YY1AP1: variants seen among roughly 807,000 people sequenced by gnomAD.
The protein encoded by YY1AP1 is YY1 associated protein 1.
In YY1AP1, 43 loss-of-function variants were observed where a neutral mutation model predicts 39.9. The observed-to-expected ratio is 1.08, with a 90% CI of 0.84 to 1.39. The LOEUF is 1.39. Among genes scored for constraint, YY1AP1 ranks in the 40% most tolerant of loss-of-function variants. The probability of loss-of-function intolerance (pLI) is 0.00; values close to 1 mark genes in which losing one functional copy is unlikely to be tolerated. For synonymous variants in YY1AP1, 292 were observed against 331.3 expected (o/e 0.88, Z 1.29); for missense variants, 813 against 900.7 (o/e 0.90, Z 1.25).
intron 6 of YY1AP1, among the ~76,000 whole-genome samples, chr1:155,674,139 C>T (rs1384464464): frequency 8.0e-5 from 10 of 125,638 alleles, no homozygotes; most frequent in Non-Finnish European, 1.4e-4. Flanking sequence ...CCAGCCTGGG[C>T]GACAGAGCGA....
chr1:155,686,219 T>G (rs1442199058), intron 2 of YY1AP1, among the ~76,000 whole-genome samples: 1 of 151,812 alleles, frequency 6.6e-6, no homozygotes, highest in Non-Finnish European at 1.5e-5. Flanking sequence ...GTATTTTTAG[T>G]AGAGACGGGG....
chr1:155,684,279 C>T (rs1457315625), intron 2 of YY1AP1, among the ~76,000 whole-genome samples: 1 of 151,810 alleles, frequency 6.6e-6, no homozygotes, highest in African/African-American at 2.4e-5. Context: ...AAAACCATAG[C>T]GAGACCTAAT....
chr1:155,685,247 A>G (rs999318059), intron 2 of YY1AP1, among the ~76,000 whole-genome samples: 1 of 152,206 alleles, frequency 6.6e-6, no homozygotes, highest in African/African-American at 2.4e-5. Flanking sequence ...GGGTAATAAA[A>G]TTTCAGCTTC....
At chr1:155,672,435 A>AG in intron 7 of YY1AP1, 125 bp downstream of exon 7, 1 of 1,008,862 alleles carries the variant, frequency 9.9e-7, no homozygotes, top group Non-Finnish European at 1.5e-6. Flanking sequence ...GAGAGAAGGA[A>AG]GAAATTACAA....
At chr1:155,672,883 G>T in intron 6 of YY1AP1, 152 bp from the exon 7 acceptor site, 2 of 1,034,562 alleles carry the variant, frequency 1.9e-6, no homozygotes, top group Admixed American at 4.8e-5. Context: ...CTACTGTTAA[G>T]ATTATGCCTG....
chr1:155,663,797 T>C (rs970200363), intron 9 of YY1AP1, among the ~76,000 whole-genome samples: 3 of 151,944 alleles, frequency 2.0e-5, no homozygotes, highest in African/African-American at 4.8e-5. Context: ...TACTAAGGCA[T>C]ATTATCATGC....
intron 9 of YY1AP1, among the ~76,000 whole-genome samples, chr1:155,661,946 G>A (rs1259751622): frequency 1.3e-5 from 2 of 151,718 alleles, no homozygotes; most frequent in African/African-American, 4.8e-5. Context: ...GTCAGCCACC[G>A]CGCCCAGCCC....
intron 2 of YY1AP1, among the ~76,000 whole-genome samples, chr1:155,686,658 A>T (rs2149080144): frequency 6.6e-6 from 1 of 152,326 alleles, no homozygotes; most frequent in Non-Finnish European, 1.5e-5. Flanking sequence ...GTCAGCACCC[A>T]TGCAGCTGCT....
At position 155,679,424 on chromosome 1, in the gene YY1AP1, G is replaced by T; in HGVS notation, c.110C>A (p.Thr37Asn). 1 of 1,614,080 alleles carries T rather than the reference G, an allele frequency of 6.2e-7. No individual in the cohort carries two copies. ...RVAEPQANFN[T>N]PQALRFEELL... ...ACTAGCCTACCGTAGAGCTTGAGGG[G>T]TGTTAAAGTTAGCTTGAGGCTCAGC... The change falls in exon 4 of 11, where the codon ACC (threonine) becomes AAC (asparagine). Residue 37 changes from threonine (T) to asparagine (N), a missense_variant. Transcript: ENST00000355499.
At chr1:155,677,863 T>C (rs185702798) in intron 4 of YY1AP1, among the ~76,000 whole-genome samples, 1 of 152,346 alleles carries the variant, frequency 6.6e-6, no homozygotes. Context: ...AGGTAATTGA[T>C]AAGGGAAGCC....
At chr1:155,668,382 A>C (rs1229460350) in intron 9 of YY1AP1, among the ~76,000 whole-genome samples, 18 of 152,208 alleles carry the variant, frequency 1.2e-4, no homozygotes, top group Admixed American at 1.2e-3. Flanking sequence ...AGAAAGTTCA[A>C]GAAAGAGAAT....
chr1:155,684,513 C>T (rs977761169), intron 2 of YY1AP1, among the ~76,000 whole-genome samples: 1 of 151,838 alleles, frequency 6.6e-6, no homozygotes, highest in Non-Finnish European at 1.5e-5. Context: ...AAAACTTCTC[C>T]ATTATCTCAC....
chr1:155,676,355 G>A (rs891877178), intron 5 of YY1AP1, among the ~76,000 whole-genome samples, 193 bp downstream of exon 5: 1 of 152,212 alleles, frequency 6.6e-6, no homozygotes, highest in East Asian at 1.9e-4. Flanking sequence ...CTTATGTGCT[G>A]TCTTCCCTGA....
chr1:155,659,501 G>T lies in YY1AP1; in HGVS notation c.*156C>A. The T allele has an allele frequency of 1.4e-6, 1 of 708,084 alleles. No homozygotes were observed. 43.9% of individuals were successfully genotyped at this position (708,084 alleles called of 1,614,324 possible). The stretch of plus-strand genomic sequence containing the variant: ...TATTGAAGCAAAAGTATATTCCACA[G>T]AGTGGGAGCAGGCTAAAGCAAGCTG... On this transcript the variant is annotated 3_prime_UTR_variant, in exon 11 of 11. Transcript: ENST00000355499.
intron 9 of YY1AP1, among the ~76,000 whole-genome samples, chr1:155,667,164 C>T (rs1379901083): frequency 6.6e-6 from 1 of 152,112 alleles, no homozygotes; most frequent in Non-Finnish European, 1.5e-5. Context: ...CCAGCCTAGG[C>T]AGGAGAGTAA....
In YY1AP1 at chr1:155,675,018, T is replaced by A. The variant is rs1278358196; in HGVS notation, c.403A>T (p.Ile135Leu). 1.9e-6 allele frequency: 3 copies of A among 1,613,334 alleles called. No individual in the cohort carries two copies. The highest frequency in any genetic ancestry group is 4.5e-5 in the East Asian group (2 of 44,858). Residue 135 changes from isoleucine to leucine, a missense_variant, in exon 6 of 11, where the codon ATA becomes TTA. By Grantham distance (5) the Ile-to-Leu change is conservative. This residue lies in a region of YY1AP1 where 196 missense variants were observed against 189.7 expected (regional missense o/e 1.03). Coordinates refer to ENST00000355499, the MANE Select transcript of YY1AP1 (RefSeq NM_139119.3). ...GCAATTTGGAAACTTACAAGACATA[T>A]CCTGGTGCTACTGGCCTCCGGATTG... Reference protein sequence around the residue: ...NLNPEASSTRICLKELGTFAQ... With the variant: ...NLNPEASSTRLCLKELGTFAQ...
chr1:155,672,720 T>C lies in YY1AP1; in HGVS notation c.423A>G (p.Gly141=). The change falls in exon 7 of 11, where the codon GGA becomes GGG. Residue 141 remains glycine (G), a synonymous_variant. Coordinates refer to ENST00000355499, the MANE Select transcript of YY1AP1 (RefSeq NM_139119.3). ...GGGCGATGGAGCTTTGAGCAAAGGT[T>C]CCCAGCTCTTTCTGGGAAAACACGA... The part of the protein sequence containing the change: ...SSTRICLKEL[G]TFAQSSIALH... The C allele has an allele frequency of 6.2e-7, 1 of 1,614,116 alleles. No homozygotes were observed.
Position 155,688,091 on chromosome 1 carries a change from A to G in YY1AP1, c.-41T>C, listed in dbSNP as rs1652799039. ...CTCACCGTGTCGGAGGCCGAGAGCG[A>G]TGAGAGTACAGGGAAGTGAGGAAGA... On this transcript the variant is annotated 5_prime_UTR_variant, in exon 2 of 11. Transcript: ENST00000355499. The G allele has an allele frequency of 6.3e-7, 1 of 1,594,684 alleles. No homozygotes were observed. Among genetic ancestry groups the G allele is most frequent in the South Asian group, 1.1e-5 (1 of 89,736 alleles).
chr1:155,679,017 T>C, intron 4 of YY1AP1: 1 of 718,832 alleles, frequency 1.4e-6, no homozygotes, highest in Non-Finnish European at 1.9e-6. Flanking sequence ...AATGCCTAGG[T>C]GACTAACAAA....
Sources: gnomAD v4.1 joint callset for allele counts (sites outside exome capture counted in the v4.1 genomes callset) on GRCh38, gnomAD v4.1.1 for gene constraint, gnomAD v4.1.1 regional missense constraint, MANE v1.5 for transcripts, NCBI Gene and HGNC (gene_info 2026-07-23, HGNC 2026-07-21) for gene names.